CACNA1E: variants seen among roughly 807,000 people sequenced by gnomAD.
CACNA1E encodes the protein calcium voltage-gated channel subunit alpha1 E.
Under a neutral mutation model 259.2 loss-of-function variants are expected in CACNA1E, and 40 were observed. The observed-to-expected ratio is 0.15, with a 90% CI of 0.12 to 0.20. The LOEUF is 0.20. Ranked by LOEUF, CACNA1E falls within the 10% of genes least tolerant of loss-of-function variation. CACNA1E has a pLI of 1.00. For missense variants in CACNA1E, 1,874 were observed against 3,040.1 expected, an observed-to-expected ratio of 0.62 and a Z score of 9.02; for synonymous variants, 1,104 against 1,138.5, an observed-to-expected ratio of 0.97 and a Z score of 0.61.
At chr1:181,641,215 C>T (rs761449539) in intron 6 of CACNA1E, among the ~76,000 whole-genome samples, 6 of 152,198 alleles carry the variant, frequency 3.9e-5, no homozygotes, top group Non-Finnish European at 7.3e-5. Context: ...AGTAGAATGA[C>T]ATGTTTAGGG....
intron 3 of CACNA1E, among the ~76,000 whole-genome samples, chr1:181,563,397 T>A (rs1245498742): frequency 6.6e-6 from 1 of 152,108 alleles, no homozygotes; most frequent in Non-Finnish European, 1.5e-5. Context: ...CTCAAACAGA[T>A]CCTTTAAACT....
chr1:181,548,793 T>G (rs1647811274), intron 3 of CACNA1E, among the ~76,000 whole-genome samples: 1 of 152,234 alleles, frequency 6.6e-6, no homozygotes, highest in South Asian at 2.1e-4. Context: ...TAACCACATC[T>G]CAAAACCAAA....
intron 6 of CACNA1E, among the ~76,000 whole-genome samples, chr1:181,612,182 A>C (rs1654809865): frequency 6.6e-6 from 1 of 152,178 alleles, no homozygotes; most frequent in South Asian, 2.1e-4. Context: ...ACCCATCCCA[A>C]CATCTGTAGG....
chr1:181,499,204 T>A (rs1665035108), intron 1 of CACNA1E, among the ~76,000 whole-genome samples: 1 of 152,124 alleles, frequency 6.6e-6, no homozygotes, highest in South Asian at 2.1e-4. Flanking sequence ...CATCTCAGAA[T>A]GGTTGCTGGG....
chr1:181,680,490 C>G lies in CACNA1E; in HGVS notation c.1055+29049C>G, dbSNP rs577760391. Among the ~76,000 whole-genome samples the G allele has an allele frequency of 3.5e-4, 53 of 152,226 alleles. 1 individual carries two copies. The highest frequency in any genetic ancestry group is 1.2e-3 in the African/African-American group (51 of 41,536). ...GCGTGTAGGCTGCCAACCCACAGGG[C>G]CGGGAAAGTCAAGAACTGTGTGTTC... On this transcript the variant is annotated intron_variant, in intron 7 of 47. Transcript: ENST00000367573.
intron 3 of CACNA1E, among the ~76,000 whole-genome samples, chr1:181,513,332 A>C (rs1005214196): frequency 3.3e-5 from 5 of 152,224 alleles, no homozygotes; most frequent in African/African-American, 9.6e-5. Context: ...CTTTCTTCCC[A>C]ATATAGTATG....
At chr1:181,478,243 C>T (rs1177903567) in intron 2 of CACNA1E, among the ~76,000 whole-genome samples, 1 of 152,186 alleles carries the variant, frequency 6.6e-6, no homozygotes, top group African/African-American at 2.4e-5. Context: ...TTTTAAAACA[C>T]TTTAAAACCA....
chr1:181,591,237 T>G (rs1334811069), intron 6 of CACNA1E, among the ~76,000 whole-genome samples: 3 of 152,278 alleles, frequency 2.0e-5, no homozygotes, highest in Non-Finnish European at 2.9e-5. Context: ...TCAATCTCCC[T>G]TTGCTATCTC....
intron 2 of CACNA1E, among the ~76,000 whole-genome samples, chr1:181,448,995 G>T (rs1308126402): frequency 6.6e-6 from 1 of 152,244 alleles, no homozygotes; most frequent in Non-Finnish European, 1.5e-5. Context: ...ATAATGGGAG[G>T]AGCTGTGCAG....
At position 181,802,759 on chromosome 1, in the gene CACNA1E, AC is replaced by A. The variant is rs1439519785; in HGVS notation, c.*3926del. The A allele has an allele frequency of 3.3e-5, 5 of 152,228 alleles. No homozygotes were observed. Among genetic ancestry groups the A allele is most frequent in the African/African-American group, 9.6e-5 (4 of 41,456 alleles). 9.4% of individuals were successfully genotyped at this position (152,228 alleles called of 1,614,324 possible). A position where few individuals can be genotyped will look rare whatever the true frequency, so the allele number is the denominator to read the frequency against. On this transcript the variant is annotated 3_prime_UTR_variant, in exon 48 of 48. Transcript: ENST00000367573. The stretch of plus-strand genomic sequence containing the variant: ...AAATGAGGTCTCCTGGCATAATGCA[AC>A]AAAAATCTCATATAATTTTGATTTT...
intron 7 of CACNA1E, among the ~76,000 whole-genome samples, chr1:181,653,648 C>T (rs781703558): frequency 1.3e-5 from 2 of 152,216 alleles, no homozygotes; most frequent in Non-Finnish European, 2.9e-5. Context: ...CTTATAGCCA[C>T]GTCACTGTAA....
At chr1:181,379,480 T>A (rs1655317826) in intron 1 of CACNA1E, among the ~76,000 whole-genome samples, 1 of 152,218 alleles carries the variant, frequency 6.6e-6, no homozygotes, top group Non-Finnish European at 1.5e-5. Context: ...TGAACTGCCT[T>A]AATAAGATAC....
Position 181,717,191 on chromosome 1 carries a change from A to G in CACNA1E, c.1414A>G (p.Met472Val), listed in dbSNP as rs1341159486. 1.9e-6 allele frequency: 3 copies of G among 1,613,980 alleles called. No individual in the cohort carries two copies. Among genetic ancestry groups the G allele is most frequent in the South Asian group, 2.2e-5 (2 of 91,086 alleles). ...GCTTCTGCGCATCTCCATTCGCCAC[A>G]TGGTTAAATCCCAGGTGTTTTACTG... Reference protein sequence around the residue: ...ERLLRISIRHMVKSQVFYWIV... With the variant: ...ERLLRISIRHVVKSQVFYWIV... Residue 472 changes from methionine to valine, a missense_variant, in exon 11 of 48, where the codon ATG (methionine) becomes GTG (valine). This residue lies in a region of CACNA1E where 157 missense variants were observed against 203.5 expected (regional missense o/e 0.77). Transcript: ENST00000367573.
intron 2 of CACNA1E, among the ~76,000 whole-genome samples, chr1:181,419,190 G>A (rs934435920): frequency 9.8e-5 from 14 of 142,814 alleles, no homozygotes; most frequent in African/African-American, 3.3e-4. Flanking sequence ...TTAGCTCAGT[G>A]CATGATTTCC....
At chr1:181,796,627 T>C (rs1284594268) in intron 46 of CACNA1E, 41 bp from the exon 47 acceptor site, 2 of 1,430,024 alleles carry the variant, frequency 1.4e-6, no homozygotes, top group African/African-American at 1.4e-5. Context: ...TTGGTCAGAG[T>C]GGACAGAGTT....
At chr1:181,407,338 G>C (rs1187397886) in intron 1 of CACNA1E, among the ~76,000 whole-genome samples, 1 of 151,994 alleles carries the variant, frequency 6.6e-6, no homozygotes, top group Non-Finnish European at 1.5e-5. Flanking sequence ...GGAAATGATT[G>C]AGAAGGACAC....
chr1:181,497,284 A>C (rs1455815191), intron 1 of CACNA1E, among the ~76,000 whole-genome samples: 1 of 152,242 alleles, frequency 6.6e-6, no homozygotes, highest in Non-Finnish European at 1.5e-5. Flanking sequence ...TCAGGAGAGC[A>C]AAGCAAAGGA....
chr1:181,752,690 C>T (rs140852743), intron 27 of CACNA1E, among the ~76,000 whole-genome samples: 16 of 152,314 alleles, frequency 1.1e-4, no homozygotes, highest in African/African-American at 2.9e-4. Context: ...TAGCCCTACC[C>T]TTCATAATTT....
chr1:181,678,312 AT>A (rs1026970558), intron 7 of CACNA1E, among the ~76,000 whole-genome samples: 14 of 152,140 alleles, frequency 9.2e-5, no homozygotes, highest in African/African-American at 3.1e-4. Context: ...GATGCATGTT[AT>A]TTTTTTAAAA....
Sources: allele counts gnomAD v4.1 joint callset (sites outside exome capture counted in the v4.1 genomes callset), GRCh38; gene constraint gnomAD v4.1.1; regional missense constraint gnomAD v4.1.1; transcripts MANE v1.5; gene names NCBI Gene and HGNC (gene_info 2026-07-23, HGNC 2026-07-21).